GABRB1: variants seen among roughly 807,000 people sequenced by gnomAD.
The protein encoded by GABRB1 is gamma-aminobutyric acid receptor subunit beta-1.
In GABRB1, 17 loss-of-function variants were observed where a neutral mutation model predicts 51.6. The observed-to-expected ratio is 0.33, with a 90% CI of 0.23 to 0.49. GABRB1 has a LOEUF of 0.49. Among genes scored for constraint, GABRB1 ranks in the 20% least tolerant of loss-of-function variants. The probability of loss-of-function intolerance (pLI) is 0.99; values close to 1 mark genes in which losing one functional copy is unlikely to be tolerated. For missense variants in GABRB1, 410 were observed against 600.6 expected, an observed-to-expected ratio of 0.68 and a Z score of 3.32; for synonymous variants, 247 against 218.9, an observed-to-expected ratio of 1.13 and a Z score of -1.14.
chr4:47,221,432 G>T (rs1445733559), intron 4 of GABRB1, among the ~76,000 whole-genome samples: 4 of 151,934 alleles, frequency 2.6e-5, no homozygotes, highest in Admixed American at 6.6e-5. Context: ...AAATGGAATT[G>T]TTACTGAACT....
At chr4:47,250,301 G>T (rs527649251) in intron 4 of GABRB1, among the ~76,000 whole-genome samples, 37 of 152,238 alleles carry the variant, frequency 2.4e-4, no homozygotes, top group African/African-American at 4.3e-4. Flanking sequence ...TAGCTTGTAG[G>T]GTTTCTGCTG....
chr4:47,018,731 A>G (rs1724822951), intron 1 of GABRB1, among the ~76,000 whole-genome samples: 1 of 152,180 alleles, frequency 6.6e-6, no homozygotes, highest in African/African-American at 2.4e-5. Context: ...GGAAGAGAAA[A>G]TATATTTATT....
chr4:47,098,819 T>C (rs1312295117), intron 3 of GABRB1, among the ~76,000 whole-genome samples: 1 of 152,136 alleles, frequency 6.6e-6, no homozygotes, highest in African/African-American at 2.4e-5. Context: ...GTTTTGCTAA[T>C]GAGCCATGTT....
At chr4:47,231,636 T>C (rs942298172) in intron 4 of GABRB1, among the ~76,000 whole-genome samples, 1 of 152,146 alleles carries the variant, frequency 6.6e-6, no homozygotes, top group African/African-American at 2.4e-5. Flanking sequence ...AGACAGACAA[T>C]GATTTGGGGA....
chr4:47,363,028 G>C (rs374809569), intron 5 of GABRB1, among the ~76,000 whole-genome samples: 4 of 151,526 alleles, frequency 2.6e-5, no homozygotes, highest in African/African-American at 4.9e-5. Context: ...GCGTGTGTGT[G>C]TGTGTGTGTG....
intron 4 of GABRB1, among the ~76,000 whole-genome samples, chr4:47,270,656 C>T (rs1009357134): frequency 1.3e-5 from 2 of 152,180 alleles, no homozygotes; most frequent in Non-Finnish European, 2.9e-5. Context: ...TCCTCCTAAC[C>T]TATTCAGCTA....
chr4:47,074,363 A>G (rs1158427503), intron 3 of GABRB1, among the ~76,000 whole-genome samples: 1 of 152,230 alleles, frequency 6.6e-6, no homozygotes, highest in Non-Finnish European at 1.5e-5. Flanking sequence ...CCTTCCTGGT[A>G]ACATGTAAGG....
At position 47,425,726 on chromosome 4, in the gene GABRB1, C is replaced by A; in HGVS notation, c.1133C>A (p.Thr378Lys). ...LLSTLEIRNE[T>K]SGSEVLTSVS... The stretch of plus-strand genomic sequence containing the variant: ...AGCACCCTGGAAATCCGGAATGAGA[C>A]GAGTGGCTCGGAAGTGCTCACGAGC... Residue 378 changes from threonine to lysine, a missense_variant, in exon 9 of 9, where the codon ACG becomes AAG. By Grantham distance (78) the Thr-to-Lys change is moderately conservative. Transcript: ENST00000295454. 6.8e-6 allele frequency: 11 copies of A among 1,613,840 alleles called. No homozygotes were observed. The highest frequency in any genetic ancestry group is 9.3e-6 in the Non-Finnish European group (11 of 1,179,878).
In GABRB1 at chr4:47,037,527, C is replaced by A. The variant is rs183472065; in HGVS notation, c.240+5043C>A. 2.1e-5 allele frequency among the ~76,000 whole-genome samples: 3 copies of A among 140,938 alleles called. No individual in the cohort carries two copies. The East Asian group carries it at 6.4e-4, about 30-fold the overall frequency. The allele number at this position is 140,938 out of a possible 152,430, so 92.5% of individuals were successfully genotyped here. On this transcript the variant is annotated intron_variant, in intron 3 of 8. Coordinates refer to ENST00000295454, the MANE Select transcript of GABRB1 (RefSeq NM_000812.4). ...TGTTTGGAGATAGCATATATATATTCGTTTTTTTTTGTTGTTGTTGTTGTT... is the reference window on the plus strand; with the variant it reads ...TGTTTGGAGATAGCATATATATATTAGTTTTTTTTTGTTGTTGTTGTTGTT...
intron 4 of GABRB1, among the ~76,000 whole-genome samples, chr4:47,255,192 C>T (rs1434475793): frequency 3.3e-5 from 5 of 152,326 alleles, no homozygotes; most frequent in African/African-American, 4.8e-5. Context: ...GAATGAGTTA[C>T]ATAATCCCTC....
chr4:47,379,243 C>T (rs908020041), intron 5 of GABRB1, among the ~76,000 whole-genome samples: 1 of 152,194 alleles, frequency 6.6e-6, no homozygotes, highest in Non-Finnish European at 1.5e-5. Flanking sequence ...CATACTATAC[C>T]ACAGATGGTC....
intron 5 of GABRB1, among the ~76,000 whole-genome samples, chr4:47,390,243 A>G (rs1447557339): frequency 6.6e-6 from 1 of 150,630 alleles, no homozygotes; most frequent in Non-Finnish European, 1.5e-5. Flanking sequence ...CCATATTTTA[A>G]TGATTGGCCT....
chr4:47,350,206 T>TAGAGAG lies in GABRB1; in HGVS notation c.544+29998_544+29999insGAGAGA, dbSNP rs1289991962. On this transcript the variant is annotated intron_variant, in intron 5 of 8. Transcript: ENST00000295454. ...GATTATATATATATATATATATATA[T>TAGAGAG]ATATATATATATAGAGAGAGAGAGA... 2.2e-3 allele frequency among the ~76,000 whole-genome samples: 202 copies of TAGAGAG among 93,570 alleles called. 1 individual carries two copies. The highest frequency in any genetic ancestry group is 5.4e-3 in the East Asian group (13 of 2,424). The allele number at this position is 93,570 out of a possible 152,430, so 61.4% of individuals were successfully genotyped here. A position where few individuals can be genotyped will look rare whatever the true frequency, so the allele number is the denominator to read the frequency against.
chr4:47,110,009 A>C (rs1715149652), intron 3 of GABRB1, among the ~76,000 whole-genome samples: 1 of 152,110 alleles, frequency 6.6e-6, no homozygotes, highest in South Asian at 2.1e-4. Context: ...GGTGATATTA[A>C]GCATTGAGTT....
At chr4:47,377,503 G>A (rs974520118) in intron 5 of GABRB1, among the ~76,000 whole-genome samples, 8 of 152,080 alleles carry the variant, frequency 5.3e-5, no homozygotes, top group African/African-American at 1.9e-4. Flanking sequence ...TAAATCCAAT[G>A]TGGACCCAAA....
At chr4:47,056,886 T>C (rs181202496) in intron 3 of GABRB1, among the ~76,000 whole-genome samples, 155 of 152,250 alleles carry the variant, frequency 1.0e-3, no homozygotes, top group African/African-American at 3.5e-3. Context: ...GGCAGGCAGA[T>C]CATGAGGTCA....
chr4:47,078,364 T>G (rs1039606046), intron 3 of GABRB1, among the ~76,000 whole-genome samples: 4 of 152,112 alleles, frequency 2.6e-5, no homozygotes, highest in Non-Finnish European at 5.9e-5. Flanking sequence ...GTTCTTAACC[T>G]CTTCTTTTCT....
At chr4:47,019,883 ATATAATATATG>A (rs1240346981) in intron 1 of GABRB1, among the ~76,000 whole-genome samples, 53 of 98,476 alleles carry the variant, frequency 5.4e-4, no homozygotes, top group African/African-American at 2.4e-3. Context: ...TTATATATAT[ATATAATATATG>A]TATATGTATA....
chr4:47,143,111 C>A (rs973748973), intron 3 of GABRB1, among the ~76,000 whole-genome samples: 1 of 151,774 alleles, frequency 6.6e-6, no homozygotes. Flanking sequence ...TGTACCAGTA[C>A]TTTTAGCAGC....
Sources: allele counts gnomAD v4.1 joint callset (sites outside exome capture counted in the v4.1 genomes callset), GRCh38; gene constraint gnomAD v4.1.1; transcripts MANE v1.5; gene names NCBI Gene and HGNC (gene_info 2026-07-23, HGNC 2026-07-21).